CDH12: variants seen among roughly 807,000 people sequenced by gnomAD.
CDH12 encodes the protein cadherin 12, also known as cadherin-12.
In CDH12, 41 loss-of-function variants were observed where a neutral mutation model predicts 74.1. The ratio of observed to expected loss-of-function variants is 0.55; its 90% CI spans 0.43 to 0.72. CDH12 has a LOEUF of 0.72. Ranked by LOEUF, CDH12 falls within the 30% of genes least tolerant of loss-of-function variation. The probability of loss-of-function intolerance (pLI) is 0.00; values close to 1 mark genes in which losing one functional copy is unlikely to be tolerated. For missense variants in CDH12, 945 were observed against 977.2 expected (o/e 0.97, Z 0.44); for synonymous variants, 399 against 355.0 (o/e 1.12, Z -1.39).
chr5:21,802,725 G>A, intron 9 of CDH12, among the ~76,000 whole-genome samples: 1 of 151,052 alleles, frequency 6.6e-6, no homozygotes, highest in East Asian at 2.0e-4. Flanking sequence ...CGGAGGATCT[G>A]GGACTACAGG....
intron 2 of CDH12, among the ~76,000 whole-genome samples, chr5:22,464,608 G>T (rs1745650849): frequency 6.6e-6 from 1 of 152,234 alleles, no homozygotes; most frequent in Admixed American, 6.5e-5. Flanking sequence ...TCTCCTCAAA[G>T]TTCCCCCATT....
intron 6 of CDH12, among the ~76,000 whole-genome samples, chr5:21,930,854 C>G (rs971611068): frequency 6.6e-6 from 1 of 152,054 alleles, no homozygotes; most frequent in African/African-American, 2.4e-5. Context: ...GTTAACATTA[C>G]CATCATTTTT....
At chr5:22,406,009 T>C (rs1409816448) in intron 2 of CDH12, among the ~76,000 whole-genome samples, 3 of 152,186 alleles carry the variant, frequency 2.0e-5, no homozygotes, top group African/African-American at 7.2e-5. Context: ...AAAATGTTTG[T>C]ACATATTCAT....
chr5:22,576,996 T>C (rs916387642), intron 1 of CDH12, among the ~76,000 whole-genome samples: 1 of 152,146 alleles, frequency 6.6e-6, no homozygotes, highest in Admixed American at 6.6e-5. Flanking sequence ...CAAAATGATA[T>C]TAATATTAAA....
At chr5:21,822,828 A>G (rs937496428) in intron 8 of CDH12, among the ~76,000 whole-genome samples, 1 of 152,122 alleles carries the variant, frequency 6.6e-6, no homozygotes, top group African/African-American at 2.4e-5. Context: ...CCGTCATATT[A>G]ATGAATTAAG....
chr5:22,724,394 T>TC (rs1382380138), intron 1 of CDH12, among the ~76,000 whole-genome samples: 6 of 151,518 alleles, frequency 4.0e-5, no homozygotes, highest in Non-Finnish European at 5.9e-5. Flanking sequence ...TTTCCAACCT[T>TC]TCCCCCGAGT....
At chr5:22,706,513 C>A (rs1358482122) in intron 1 of CDH12, among the ~76,000 whole-genome samples, 1 of 151,694 alleles carries the variant, frequency 6.6e-6, no homozygotes, top group Non-Finnish European at 1.5e-5. Context: ...TGTTTTATTT[C>A]ATTTTATATT....
intron 1 of CDH12, among the ~76,000 whole-genome samples, chr5:22,544,821 A>T (rs1738247127): frequency 6.6e-6 from 1 of 152,100 alleles, no homozygotes; most frequent in Non-Finnish European, 1.5e-5. Context: ...TGTCAAAAAA[A>T]AAAAAGCCTT....
rs941545973 is a variant in CDH12, at chr5:21,750,700, G to C, written c.*1037C>G. ...TTTGCTGCTCATCAAAGAATCACTA[G>C]ATTGTAAGAAACTCTGAGAAACTGT... is the stretch of plus-strand genomic sequence containing the variant. On this transcript the variant is annotated 3_prime_UTR_variant, in exon 15 of 15. Transcript: ENST00000382254. The C allele has an allele frequency of 6.6e-6, 1 of 151,928 alleles. No homozygotes were observed. The highest frequency in any genetic ancestry group is 2.4e-5 in the African/African-American group (1 of 41,376). The allele number at this position is 151,928 out of a possible 1,614,324, so 9.4% of individuals were successfully genotyped here. A position where few individuals can be genotyped will look rare whatever the true frequency, so the allele number is the denominator to read the frequency against.
intron 9 of CDH12, 117 bp downstream of exon 9, chr5:21,816,828 G>C (rs929331374): frequency 1.5e-6 from 1 of 670,042 alleles, no homozygotes; most frequent in East Asian, 3.1e-5. Context: ...ATGGTTCAAG[G>C]GTCAACTCTA....
At chr5:22,541,667 C>CTA (rs1738107142) in intron 1 of CDH12, among the ~76,000 whole-genome samples, 1 of 152,126 alleles carries the variant, frequency 6.6e-6, no homozygotes, top group Non-Finnish European at 1.5e-5. Context: ...TGTTTGTGCC[C>CTA]TATAATCATT....
intron 3 of CDH12, among the ~76,000 whole-genome samples, chr5:22,350,232 A>C (rs1740302607): frequency 6.6e-6 from 1 of 152,336 alleles, no homozygotes; most frequent in African/African-American, 2.4e-5. Context: ...CAGGAGTTAC[A>C]ATAGAAGACT....
At chr5:22,504,484 T>A (rs1178625136) in intron 2 of CDH12, among the ~76,000 whole-genome samples, 1 of 152,084 alleles carries the variant, frequency 6.6e-6, no homozygotes, top group African/African-American at 2.4e-5. Flanking sequence ...ACATCTGCCT[T>A]ATCTCTTCAA....
chr5:22,556,764 T>C (rs1448864630), intron 1 of CDH12, among the ~76,000 whole-genome samples: 1 of 152,060 alleles, frequency 6.6e-6, no homozygotes, highest in Admixed American at 6.5e-5. Flanking sequence ...TTTCTTAGAG[T>C]ATTTACTTTG....
intron 4 of CDH12, among the ~76,000 whole-genome samples, chr5:22,187,651 G>GA (rs1279669810): frequency 0.039 from 4,793 of 122,520 alleles, 170 homozygotes; most frequent in African/African-American, 0.094. Flanking sequence ...GACCTTGAAA[G>GA]AGGAAAAAAA....
At chr5:22,504,154 C>T (rs1736288362) in intron 2 of CDH12, among the ~76,000 whole-genome samples, 1 of 151,784 alleles carries the variant, frequency 6.6e-6, no homozygotes, top group South Asian at 2.1e-4. Flanking sequence ...GAACAAATTA[C>T]TAGATAAAAG....
intron 5 of CDH12, among the ~76,000 whole-genome samples, chr5:21,976,641 T>C (rs185317267): frequency 6.6e-6 from 1 of 151,952 alleles, no homozygotes; most frequent in Admixed American, 6.6e-5. Flanking sequence ...CATTTGGGTA[T>C]AGCCATTTGA....
intron 1 of CDH12, among the ~76,000 whole-genome samples, chr5:22,815,291 T>C (rs1364865473): frequency 2.0e-5 from 3 of 152,326 alleles, no homozygotes; most frequent in Non-Finnish European, 4.4e-5. Context: ...TTTCTTTTGA[T>C]GCTCTCCTAT....
intron 1 of CDH12, among the ~76,000 whole-genome samples, chr5:22,670,467 G>A (rs1407953621): frequency 6.6e-6 from 1 of 152,166 alleles, no homozygotes; most frequent in African/African-American, 2.4e-5. Flanking sequence ...TCTCTTCTTA[G>A]ATTATAAATT....
Sources: gnomAD v4.1 joint callset for allele counts (sites outside exome capture counted in the v4.1 genomes callset) on GRCh38, gnomAD v4.1.1 for gene constraint, MANE v1.5 for transcripts, NCBI Gene and HGNC (gene_info 2026-07-23, HGNC 2026-07-21) for gene names.